The following STAU2 variants were observed in gnomAD, a reference collection of about 807,000 sequenced individuals.
STAU2 encodes staufen double-stranded RNA binding protein 2, also known as double-stranded RNA-binding protein Staufen homolog 2.
In STAU2, 20 loss-of-function variants were observed where a neutral mutation model predicts 65.9. The observed-to-expected ratio is 0.30, with a 90% confidence interval of 0.21 to 0.44. The LOEUF (loss-of-function observed/expected upper bound fraction) is 0.44, where lower values mean the gene tolerates loss of function less well. Among genes scored for constraint, STAU2 ranks in the 20% least tolerant of loss-of-function variants. The probability of loss-of-function intolerance (pLI) is 1.00; values close to 1 mark genes in which losing one functional copy is unlikely to be tolerated. For missense variants in STAU2, 558 were observed against 683.9 expected, an observed-to-expected ratio of 0.82 and a Z score of 2.05; for synonymous variants, 232 against 233.9, an observed-to-expected ratio of 0.99 and a Z score of 0.07.
At chr8:73,739,409 T>C (rs1806675452) in intron 2 of STAU2, among the ~76,000 whole-genome samples, 1 of 152,062 alleles carries the variant, frequency 6.6e-6, no homozygotes, top group Admixed American at 6.6e-5. Flanking sequence ...ACAATTGTGA[T>C]ACACAGCAAA....
intron 6 of STAU2, among the ~76,000 whole-genome samples, chr8:73,664,455 TAAGA>T (rs1344194414): frequency 6.6e-6 from 1 of 152,180 alleles, no homozygotes; most frequent in East Asian, 1.9e-4. Context: ...TTTATCAGAT[TAAGA>T]AAGTTCTCTT....
At chr8:73,691,098 T>C (rs923780906) in intron 4 of STAU2, among the ~76,000 whole-genome samples, 1 of 152,172 alleles carries the variant, frequency 6.6e-6, no homozygotes, top group African/African-American at 2.4e-5. Flanking sequence ...GGAAAGCATA[T>C]TAAATTTACT....
chr8:73,447,873 A>T (rs914348157), intron 13 of STAU2, among the ~76,000 whole-genome samples: 2 of 152,206 alleles, frequency 1.3e-5, no homozygotes, highest in Admixed American at 1.3e-4. Flanking sequence ...GAGAGGATCT[A>T]TCTTACCACC....
intron 3 of STAU2, among the ~76,000 whole-genome samples, chr8:73,716,141 T>A (rs1202430049): frequency 6.7e-6 from 1 of 149,898 alleles, no homozygotes. Context: ...CAGGCTGGAG[T>A]GCAGTGGTGT....
intron 6 of STAU2, among the ~76,000 whole-genome samples, chr8:73,627,778 C>T (rs895492883): frequency 1.4e-5 from 2 of 147,390 alleles, no homozygotes; most frequent in African/African-American, 5.0e-5. Context: ...AAAACACTGA[C>T]AGTGTGGACA....
At chr8:73,537,081 A>G (rs1563408246) in intron 13 of STAU2, among the ~76,000 whole-genome samples, 1 of 152,244 alleles carries the variant, frequency 6.6e-6, no homozygotes, top group Non-Finnish European at 1.5e-5. Context: ...TAGTCTCACG[A>G]AAGAAATACA....
At chr8:73,548,317 T>G (rs1248749526) in intron 13 of STAU2, among the ~76,000 whole-genome samples, 1 of 149,628 alleles carries the variant, frequency 6.7e-6, no homozygotes, top group Non-Finnish European at 1.5e-5. Context: ...TTGGAAAACA[T>G]GAGGTATAGG....
At chr8:73,597,391 T>C (rs1217849903) in intron 10 of STAU2, among the ~76,000 whole-genome samples, 1 of 151,764 alleles carries the variant, frequency 6.6e-6, no homozygotes, top group Non-Finnish European at 1.5e-5. Context: ...AGTAGCTCAC[T>C]ACCTGTAATC....
chr8:73,591,882 TAAAAAAAAAAAAAAAAAAAAAAAA>T (rs34533172), intron 11 of STAU2, among the ~76,000 whole-genome samples: 6 of 28,460 alleles, frequency 2.1e-4, no homozygotes, highest in African/African-American at 6.9e-4. Flanking sequence ...ATCCCAGAGG[TAAAAAAAAAAAAAAAAAAAAAAAA>T]AAAAAAAACA....
chr8:73,623,992 G>A (rs187782750), intron 6 of STAU2, among the ~76,000 whole-genome samples: 9 of 152,274 alleles, frequency 5.9e-5, no homozygotes, highest in African/African-American at 2.2e-4. Flanking sequence ...TAGAATTACT[G>A]TAAGTATGTT....
intron 6 of STAU2, among the ~76,000 whole-genome samples, chr8:73,649,689 T>C (rs907144142): frequency 2.0e-5 from 3 of 151,684 alleles, no homozygotes; most frequent in Non-Finnish European, 2.9e-5. Context: ...TATTAAAATG[T>C]ACTATGATGG....
chr8:73,485,276 T>C (rs1364808919), intron 13 of STAU2, among the ~76,000 whole-genome samples: 1 of 149,814 alleles, frequency 6.7e-6, no homozygotes, highest in Non-Finnish European at 1.5e-5. Context: ...ACTCCTGGGA[T>C]CAAGCAATCC....
chr8:73,706,343 C>T (rs1272691596), intron 4 of STAU2, among the ~76,000 whole-genome samples: 1 of 152,080 alleles, frequency 6.6e-6, no homozygotes, highest in African/African-American at 2.4e-5. Context: ...TCTCAAACTC[C>T]TGACCTCAAG....
intron 3 of STAU2, among the ~76,000 whole-genome samples, chr8:73,712,342 T>C (rs1260246038): frequency 6.6e-6 from 1 of 152,168 alleles, no homozygotes; most frequent in Non-Finnish European, 1.5e-5. Context: ...AGAGCCTGTT[T>C]TGGATATCTC....
Position 73,590,006 on chromosome 8 carries a change from G to A in STAU2, c.1161+5160C>T, listed in dbSNP as rs533928207. Among the ~76,000 whole-genome samples, 13 of 150,524 alleles carry A rather than the reference G, an allele frequency of 8.6e-5. No individual in the cohort carries two copies. In the South Asian group the frequency reaches 2.5e-3, roughly 29 times the overall value. On this transcript the variant is annotated intron_variant, in intron 11 of 14. Transcript: ENST00000524300. ...GAGGAGGGAGGAGGAGAAGGAAGAG[G>A]GAAGAGGAGAGAAGAAGAACAATAG...
At chr8:73,425,553 T>C (rs1194368677) in intron 13 of STAU2, among the ~76,000 whole-genome samples, 1 of 152,180 alleles carries the variant, frequency 6.6e-6, no homozygotes, top group Non-Finnish European at 1.5e-5. Context: ...CAGTTGGTAG[T>C]ACTTTACTAC....
chr8:73,527,542 A>G (rs951030070), intron 13 of STAU2: 3 of 464,124 alleles, frequency 6.5e-6, no homozygotes, highest in African/African-American at 3.8e-5. Context: ...CAACACAAAC[A>G]ATTTTGATTT....
At chr8:73,730,131 T>A (rs1203623830) in intron 3 of STAU2, among the ~76,000 whole-genome samples, 1 of 152,220 alleles carries the variant, frequency 6.6e-6, no homozygotes, top group East Asian at 1.9e-4. Flanking sequence ...GAGGCCTTTC[T>A]TATTCTTTAA....
At chr8:73,451,146 G>A (rs1203212625) in intron 13 of STAU2, among the ~76,000 whole-genome samples, 1 of 152,126 alleles carries the variant, frequency 6.6e-6, no homozygotes, top group African/African-American at 2.4e-5. Flanking sequence ...CTTGAACAGG[G>A]CCTTCTCATT....
Sources: gnomAD v4.1 joint callset for allele counts (sites outside exome capture counted in the v4.1 genomes callset) on GRCh38, gnomAD v4.1.1 for gene constraint, MANE v1.5 for transcripts, NCBI Gene and HGNC (gene_info 2026-07-23, HGNC 2026-07-21) for gene names.